RASA3: variants seen among roughly 807,000 people sequenced by gnomAD.
RASA3 encodes ras GTPase-activating protein 3.
RASA3 carries 73 observed loss-of-function variants against 110.0 expected under a neutral mutation model. The observed-to-expected ratio is 0.66, with a 90% confidence interval of 0.55 to 0.81. The LOEUF (loss-of-function observed/expected upper bound fraction) is 0.81. RASA3 is among the 30% of genes least tolerant of loss of function. The probability of loss-of-function intolerance (pLI) is 0.00; values close to 1 mark genes in which losing one functional copy is unlikely to be tolerated. For synonymous variants in RASA3, 500 were observed against 451.4 expected (o/e 1.11, Z -1.37); for missense variants, 976 against 1,113.2 (o/e 0.88, Z 1.75).
intron 2 of RASA3, among the ~76,000 whole-genome samples, chr13:114,070,458 T>A (rs2079552384): frequency 6.6e-6 from 1 of 152,118 alleles, no homozygotes; most frequent in Admixed American, 6.5e-5. Context: ...GCTGCAAGTT[T>A]ATGAGAGAGC....
intron 22 of RASA3, among the ~76,000 whole-genome samples, chr13:113,989,111 C>G (rs1307640667): frequency 6.9e-6 from 1 of 145,022 alleles, no homozygotes; most frequent in African/African-American, 2.6e-5. Flanking sequence ...ATCTGTCCAT[C>G]ACCATCACTC....
rs758389815 is a variant in RASA3, at chr13:113,979,358, G to A, written c.2494C>T (p.His832Tyr). The change falls in exon 24 of 24, where the codon CAT becomes TAT. Residue 832 changes from histidine (H) to tyrosine (Y), a missense_variant. Coordinates refer to ENST00000334062, the MANE Select transcript of RASA3 (RefSeq NM_007368.4). Reference sequence around the variant, plus strand: ...GCGTCCCGCAGACTTTAAATGGAATGAGTGGAGGTCTCGGACTGCTGCCGG... The same window carrying A: ...GCGTCCCGCAGACTTTAAATGGAATAAGTGGAGGTCTCGGACTGCTGCCGG... ...YIRQQSETST[H>Y]SI 1.9e-6 allele frequency: 3 copies of A among 1,600,518 alleles called. No homozygotes were observed. The highest frequency in any genetic ancestry group is 2.6e-6 in the Non-Finnish European group (3 of 1,167,824).
chr13:114,017,954 G>T, intron 11 of RASA3, 150 bp downstream of exon 11: 4 of 906,798 alleles, frequency 4.4e-6, no homozygotes, highest in Non-Finnish European at 6.2e-6. Flanking sequence ...CATTAACTGG[G>T]TCTGTGAAAG....
chr13:114,022,131 G>A (rs2053939882), intron 8 of RASA3, among the ~76,000 whole-genome samples: 1 of 152,156 alleles, frequency 6.6e-6, no homozygotes, highest in African/African-American at 2.4e-5. Context: ...ACCACAGCGG[G>A]GGGAGAACTG....
At chr13:114,098,899 C>T (rs2079982861) in intron 1 of RASA3, among the ~76,000 whole-genome samples, 1 of 152,156 alleles carries the variant, frequency 6.6e-6, no homozygotes. Context: ...CAGAGTGGCC[C>T]CGCAGGCCAG....
At chr13:114,104,820 A>G (rs964121552) in intron 1 of RASA3, among the ~76,000 whole-genome samples, 13 of 151,112 alleles carry the variant, frequency 8.6e-5, no homozygotes, top group African/African-American at 3.2e-4. Flanking sequence ...CCGCCTCCCC[A>G]GCCCACACAT....
intron 3 of RASA3, 32 bp downstream of exon 3, chr13:114,052,020 A>G (rs751618368): frequency 6.6e-7 from 1 of 1,505,532 alleles, no homozygotes; most frequent in South Asian, 1.1e-5. Context: ...AACAGGCAGA[A>G]AAGGGGAAGT....
chr13:114,060,801 G>A (rs1003115950), intron 2 of RASA3, among the ~76,000 whole-genome samples: 12 of 152,232 alleles, frequency 7.9e-5, no homozygotes, highest in Non-Finnish European at 1.3e-4. Context: ...TTGAAAGGGA[G>A]GCAGAGGCCT....
chr13:114,120,949 C>G (rs551556174), intron 1 of RASA3, among the ~76,000 whole-genome samples: 1 of 152,190 alleles, frequency 6.6e-6, no homozygotes, highest in South Asian at 2.1e-4. Context: ...TGTGCTTCCC[C>G]GAGTGGCACA....
intron 3 of RASA3, among the ~76,000 whole-genome samples, chr13:114,051,362 A>ATCCCTCAGCCTCCCACGCCTGC (rs2079143916): frequency 6.6e-6 from 1 of 152,150 alleles, no homozygotes; most frequent in Non-Finnish European, 1.5e-5. Context: ...AATTAGCCTG[A>ATCCCTCAGCCTCCCACGCCTGC]TCCCTCAGCC....
intron 2 of RASA3, 66 bp from the exon 3 acceptor site, chr13:114,052,221 A>G: frequency 1.9e-6 from 2 of 1,077,712 alleles, no homozygotes; most frequent in South Asian, 1.3e-5. Context: ...CCCGGGGCAC[A>G]CACGTGTGGT....
chr13:113,990,280 T>A lies in RASA3; in HGVS notation c.2245+2205A>T, dbSNP rs547568059. Among the ~76,000 whole-genome samples, 61 of 152,276 alleles carry A rather than the reference T, an allele frequency of 4.0e-4. 1 individual carries two copies. Among genetic ancestry groups the A allele is most frequent in the Middle Eastern group, 6.8e-3 (2 of 294 alleles). On this transcript the variant is annotated intron_variant, in intron 22 of 23. Transcript: ENST00000334062. ...GGGGATGGTGAGGTTGGGAAGCGCCTGGAGGAAGACACTTCCAAGGTAAAC... is the reference window on the plus strand; with the variant it reads ...GGGGATGGTGAGGTTGGGAAGCGCCAGGAGGAAGACACTTCCAAGGTAAAC...
intron 3 of RASA3, among the ~76,000 whole-genome samples, chr13:114,047,319 C>T (rs2079068627): frequency 2.0e-5 from 3 of 152,218 alleles, no homozygotes; most frequent in South Asian, 2.1e-4. Flanking sequence ...CCACTCTTCA[C>T]GGACACGCAA....
rs774071569 is a variant in RASA3, at chr13:114,018,235, C to T, written c.960G>A (p.Ala320=). Residue 320 remains alanine (A), a synonymous_variant, in exon 11 of 24, where the codon GCG becomes GCA. Transcript: ENST00000334062. ...GGCAAACCTCGCCCAGGATGTGGGCCGCAGACGCTGACACGGGCTGCGGGG... is the reference window on the plus strand; with the variant it reads ...GGCAAACCTCGCCCAGGATGTGGGCTGCAGACGCTGACACGGGCTGCGGGG... ...SADVEPVSAS[A]AHILGEVCRE... The T allele has an allele frequency of 4.5e-6, 7 of 1,553,290 alleles. No individual in the cohort carries two copies. The East Asian group carries it at 7.3e-5, about 16-fold the overall frequency.
At chr13:113,990,952 C>CAGGCGT (rs1392663752) in intron 22 of RASA3, among the ~76,000 whole-genome samples, 1 of 122,644 alleles carries the variant, frequency 8.2e-6, no homozygotes, top group East Asian at 2.5e-4. Flanking sequence ...GGCTGGAGAA[C>CAGGCGT]AGGCGTGGCC....
At chr13:113,980,116 G>A (rs1247164168) in intron 23 of RASA3, among the ~76,000 whole-genome samples, 3 of 132,676 alleles carry the variant, frequency 2.3e-5, no homozygotes, top group Non-Finnish European at 4.7e-5. Flanking sequence ...TCTCGCATGT[G>A]TGCACCTCCT....
chr13:114,113,415 C>T (rs997180302), intron 1 of RASA3, among the ~76,000 whole-genome samples: 5 of 152,224 alleles, frequency 3.3e-5, no homozygotes, highest in Non-Finnish European at 5.9e-5. Context: ...GCTACACTCA[C>T]TGGGAAGAAC....
chr13:114,059,009 G>A (rs974841229), intron 2 of RASA3, among the ~76,000 whole-genome samples: 5 of 152,196 alleles, frequency 3.3e-5, no homozygotes, highest in Non-Finnish European at 7.4e-5. Flanking sequence ...ATCAACCTGG[G>A]CAACATAGCA....
At chr13:113,992,237 A>G (rs555937822) in intron 22 of RASA3, among the ~76,000 whole-genome samples, 17 of 152,402 alleles carry the variant, frequency 1.1e-4, no homozygotes, top group African/African-American at 4.1e-4. Context: ...TTGGCAGTAC[A>G]GAGGTTACAA....
Sources: allele counts gnomAD v4.1 joint callset (sites outside exome capture counted in the v4.1 genomes callset), GRCh38; gene constraint gnomAD v4.1.1; transcripts MANE v1.5; gene names NCBI Gene and HGNC (gene_info 2026-07-23, HGNC 2026-07-21).